Variants in CABLES1 observed in about 807,000 individuals in gnomAD.
CABLES1 encodes CDK5 and ABL1 enzyme substrate 1.
Under a neutral mutation model 57.8 loss-of-function variants are expected in CABLES1, and 36 were observed. The observed-to-expected ratio is 0.62, with a 90% CI of 0.48 to 0.82. The LOEUF (loss-of-function observed/expected upper bound fraction) is 0.82. Among genes scored for constraint, CABLES1 ranks in the 40% least tolerant of loss-of-function variants. The pLI is 0.00. For missense variants in CABLES1, 767 were observed against 836.6 expected (o/e 0.92, Z 1.03); for synonymous variants, 374 against 363.0 (o/e 1.03, Z -0.35).
chr18:23,236,822 A>G (rs893590408), intron 6 of CABLES1, among the ~76,000 whole-genome samples: 1 of 152,194 alleles, frequency 6.6e-6, no homozygotes, highest in Non-Finnish European at 1.5e-5. Context: ...TCGGGGCCAC[A>G]CTCTGAGAGT....
intron 1 of CABLES1, among the ~76,000 whole-genome samples, chr18:23,179,992 C>T (rs1459375927): frequency 6.6e-6 from 1 of 152,202 alleles, no homozygotes; most frequent in Non-Finnish European, 1.5e-5. Flanking sequence ...AATCTTGGCT[C>T]ACTGCAAGCT....
intron 4 of CABLES1, among the ~76,000 whole-genome samples, chr18:23,215,876 C>T (rs1185035664): frequency 1.3e-5 from 2 of 152,022 alleles, no homozygotes; most frequent in East Asian, 3.9e-4. Flanking sequence ...GTCTCTGCCT[C>T]CTGAGTAGCT....
intron 1 of CABLES1, among the ~76,000 whole-genome samples, chr18:23,182,541 C>T (rs574538048): frequency 5.3e-5 from 8 of 152,330 alleles, no homozygotes; most frequent in South Asian, 4.1e-4. Context: ...CAGCCACACC[C>T]GGACCAGTAA....
At chr18:23,168,255 A>G (rs1386604669) in intron 1 of CABLES1, among the ~76,000 whole-genome samples, 7 of 152,370 alleles carry the variant, frequency 4.6e-5, no homozygotes, top group African/African-American at 1.7e-4. Context: ...AATGACGTAT[A>G]CACCCTTAAC....
chr18:23,226,818 G>A (rs1307403297), intron 4 of CABLES1, among the ~76,000 whole-genome samples: 2 of 152,208 alleles, frequency 1.3e-5, no homozygotes, highest in South Asian at 2.1e-4. Context: ...CCGACCAGAA[G>A]AAAGTAGGAG....
chr18:23,181,126 G>C (rs1261148336), intron 1 of CABLES1, among the ~76,000 whole-genome samples: 1 of 152,122 alleles, frequency 6.6e-6, no homozygotes, highest in Admixed American at 6.5e-5. Context: ...CCTTGTCCTG[G>C]GGCATTGGGA....
chr18:23,173,081 G>C lies in CABLES1; in HGVS notation c.846-15757G>C, dbSNP rs115497874. 5.9e-3 allele frequency among the ~76,000 whole-genome samples: 904 copies of C among 152,346 alleles called. 11 individuals are homozygous for C. The highest frequency in any genetic ancestry group is 0.021 in the African/African-American group (858 of 41,570). On this transcript the variant is annotated intron_variant, in intron 1 of 9. Transcript: ENST00000256925. ...GGCACCTTGATGTGTGCAGTAAGGAGGTTTCCTTTTTGGAGAGATGGAGAG... is the reference window on the plus strand; with the variant it reads ...GGCACCTTGATGTGTGCAGTAAGGACGTTTCCTTTTTGGAGAGATGGAGAG...
At chr18:23,237,842 A>T (rs1447073527) in intron 7 of CABLES1, among the ~76,000 whole-genome samples, 1 of 152,204 alleles carries the variant, frequency 6.6e-6, no homozygotes, top group African/African-American at 2.4e-5. Context: ...TCCTCTGCAG[A>T]CACCAGAGGG....
chr18:23,206,167 C>T (rs1031121532), intron 3 of CABLES1, among the ~76,000 whole-genome samples: 4 of 152,186 alleles, frequency 2.6e-5, no homozygotes, highest in Non-Finnish European at 4.4e-5. Context: ...ACCGTCCTCC[C>T]GCCCCGTCCC....
intron 4 of CABLES1, among the ~76,000 whole-genome samples, chr18:23,224,876 T>C (rs2047516792): frequency 6.6e-6 from 1 of 151,914 alleles, no homozygotes; most frequent in Non-Finnish European, 1.5e-5. Context: ...GCCTTCTTTT[T>C]CTTTCTTTTT....
intron 1 of CABLES1, among the ~76,000 whole-genome samples, chr18:23,186,901 G>T (rs1395187620): frequency 6.6e-6 from 1 of 152,164 alleles, no homozygotes; most frequent in African/African-American, 2.4e-5. Flanking sequence ...GTCCAGCCTG[G>T]GACTCAGCAC....
At chr18:23,241,322 A>G (rs1246437720) in intron 7 of CABLES1, among the ~76,000 whole-genome samples, 1 of 151,954 alleles carries the variant, frequency 6.6e-6, no homozygotes, top group Non-Finnish European at 1.5e-5. Context: ...CTTGAGGTCA[A>G]GAGTTTAAGA....
In CABLES1 at chr18:23,245,425, C is replaced by T. The variant is rs1053864708; in HGVS notation, c.1447-7535C>T. ...ACTTGGGAGACTGAGGCACGAGAATCGCTTGAACCCGGGAGGCGGAAGTTG... is the reference window on the plus strand; with the variant it reads ...ACTTGGGAGACTGAGGCACGAGAATTGCTTGAACCCGGGAGGCGGAAGTTG... On this transcript the variant is annotated intron_variant, in intron 7 of 9. Coordinates refer to ENST00000256925, the MANE Select transcript of CABLES1 (RefSeq NM_001100619.3). 2.8e-4 allele frequency among the ~76,000 whole-genome samples: 42 copies of T among 151,342 alleles called. 1 individual carries two copies. Among genetic ancestry groups the T allele is most frequent in the Admixed American group, 2.0e-3 (30 of 15,186 alleles).
At chr18:23,165,386 A>T (rs2047035288) in intron 1 of CABLES1, among the ~76,000 whole-genome samples, 1 of 152,202 alleles carries the variant, frequency 6.6e-6, no homozygotes, top group Admixed American at 6.5e-5. Context: ...GGTGTAAGCC[A>T]CTGTGACTGG....
At chr18:23,180,824 A>G (rs991212133) in intron 1 of CABLES1, among the ~76,000 whole-genome samples, 3 of 152,212 alleles carry the variant, frequency 2.0e-5, no homozygotes, top group Non-Finnish European at 2.9e-5. Flanking sequence ...TTCAAGAGCA[A>G]AAGATTATGT....
At chr18:23,246,678 A>G (rs1274952919) in intron 7 of CABLES1, among the ~76,000 whole-genome samples, 2 of 151,418 alleles carry the variant, frequency 1.3e-5, no homozygotes, top group South Asian at 2.1e-4. Context: ...TGCTTGAGCC[A>G]CCGCACCCGG....
chr18:23,235,269 G>A (rs148859456), intron 5 of CABLES1, among the ~76,000 whole-genome samples: 6 of 152,338 alleles, frequency 3.9e-5, no homozygotes, highest in East Asian at 1.9e-4. Flanking sequence ...TGGCAATGAC[G>A]CAAGTGTTTC....
At chr18:23,215,620 T>C (rs1436548531) in intron 4 of CABLES1, among the ~76,000 whole-genome samples, 1 of 152,192 alleles carries the variant, frequency 6.6e-6, no homozygotes, top group East Asian at 1.9e-4. Context: ...ATTCATTTAT[T>C]GAGTGCTTGT....
intron 1 of CABLES1, among the ~76,000 whole-genome samples, chr18:23,139,511 T>C (rs1159007762): frequency 6.6e-6 from 1 of 152,116 alleles, no homozygotes; most frequent in Non-Finnish European, 1.5e-5. Flanking sequence ...CACAAATAAT[T>C]GCTTGGACTT....
Sources: allele counts gnomAD v4.1 joint callset (sites outside exome capture counted in the v4.1 genomes callset), GRCh38; gene constraint gnomAD v4.1.1; transcripts MANE v1.5; gene names NCBI Gene and HGNC (gene_info 2026-07-23, HGNC 2026-07-21).